PRKACB: variants seen among roughly 807,000 people sequenced by gnomAD.
The protein encoded by PRKACB is cAMP-dependent protein kinase catalytic subunit beta.
A neutral mutation model predicts 51.4 loss-of-function variants in PRKACB; 16 were observed. The observed-to-expected ratio is 0.31, with a 90% confidence interval of 0.21 to 0.47. PRKACB has a LOEUF of 0.47. Ranked by LOEUF, PRKACB falls within the 20% of genes least tolerant of loss-of-function variation. The pLI is 1.00. For synonymous variants in PRKACB, 147 were observed against 154.4 expected, an observed-to-expected ratio of 0.95 and a Z score of 0.35; for missense variants, 309 against 464.5, an observed-to-expected ratio of 0.67 and a Z score of 3.08.
At chr1:84,115,143 A>G (rs999277516) in intron 1 of PRKACB, among the ~76,000 whole-genome samples, 2 of 150,522 alleles carry the variant, frequency 1.3e-5, no homozygotes, top group Admixed American at 6.7e-5. Flanking sequence ...ACTAATTTAC[A>G]TTCTTACAAA....
At chr1:84,137,993 C>T (rs535385811) in intron 1 of PRKACB, among the ~76,000 whole-genome samples, 8 of 152,128 alleles carry the variant, frequency 5.3e-5, no homozygotes, top group East Asian at 1.9e-4. Flanking sequence ...TTAGTATACA[C>T]GTATATTTCC....
intron 1 of PRKACB, among the ~76,000 whole-genome samples, chr1:84,108,276 A>G (rs1041842696): frequency 6.6e-6 from 1 of 151,678 alleles, no homozygotes. Flanking sequence ...TAAATAATGA[A>G]AACACATGGA....
intron 1 of PRKACB, chr1:84,178,968 T>G (rs981182608): frequency 2.4e-6 from 1 of 412,926 alleles, no homozygotes. Flanking sequence ...GGTTTCTTTA[T>G]AGAACAATAT....
At chr1:84,231,614 A>T (rs1037987780) in intron 9 of PRKACB, among the ~76,000 whole-genome samples, 1 of 152,228 alleles carries the variant, frequency 6.6e-6, no homozygotes, top group Non-Finnish European at 1.5e-5. Flanking sequence ...TTATTGGTCT[A>T]TTCAGAGATT....
intron 1 of PRKACB, among the ~76,000 whole-genome samples, chr1:84,104,349 T>C (rs908302012): frequency 3.3e-5 from 5 of 152,170 alleles, no homozygotes; most frequent in African/African-American, 9.7e-5. Context: ...ATTGTTTATA[T>C]ACATATATAT....
intron 1 of PRKACB, among the ~76,000 whole-genome samples, chr1:84,178,272 T>C (rs949716388): frequency 2.6e-5 from 4 of 151,926 alleles, no homozygotes; most frequent in Non-Finnish European, 5.9e-5. Context: ...TTTATTCTTA[T>C]ACCTAAAGAT....
intron 9 of PRKACB, among the ~76,000 whole-genome samples, chr1:84,221,353 G>A (rs1367167121): frequency 2.0e-5 from 3 of 151,078 alleles, no homozygotes; most frequent in Non-Finnish European, 4.4e-5. Flanking sequence ...GGTTAGTCTA[G>A]CTAGCAGTTT....
chr1:84,143,329 A>G (rs576019880), upstream of PRKACB, among the ~76,000 whole-genome samples: 2 of 152,186 alleles, frequency 1.3e-5, no homozygotes, highest in African/African-American at 4.8e-5. Flanking sequence ...GTGCGCGCCT[A>G]TAATCCCAGC....
intron 1 of PRKACB, among the ~76,000 whole-genome samples, chr1:84,128,926 G>A (rs927792080): frequency 4.6e-5 from 7 of 152,154 alleles, no homozygotes; most frequent in African/African-American, 1.7e-4. Flanking sequence ...TCATGTGACT[G>A]AGGAACTAAA....
At position 84,097,807 on chromosome 1, in the gene PRKACB, A is replaced by G. The variant is rs187334342; in HGVS notation, c.46+19436A>G. 2.0e-5 allele frequency among the ~76,000 whole-genome samples: 3 copies of G among 152,120 alleles called. No homozygotes were observed. The East Asian group carries it at 5.8e-4, about 29-fold the overall frequency. ...AAAAGAAAAAACAAAAACAAAAACAAAACGTGCGAATTTGCCCTTTCTCCA... is the reference window on the plus strand; with the variant it reads ...AAAAGAAAAAACAAAAACAAAAACAGAACGTGCGAATTTGCCCTTTCTCCA... On this transcript the variant is annotated intron_variant, in intron 1 of 8. Transcript: ENST00000370688.
At chr1:84,149,116 G>A (rs1654509548) in intron 1 of PRKACB, among the ~76,000 whole-genome samples, 1 of 152,006 alleles carries the variant, frequency 6.6e-6, no homozygotes, top group African/African-American at 2.4e-5. Flanking sequence ...ATTTCCAAAT[G>A]TATATCTTCA....
At chr1:84,113,995 C>G (rs982327988) in intron 1 of PRKACB, among the ~76,000 whole-genome samples, 3 of 152,110 alleles carry the variant, frequency 2.0e-5, no homozygotes, top group Non-Finnish European at 4.4e-5. Context: ...TAAGTTATCT[C>G]AAGAAAACTG....
chr1:84,193,860 A>G (rs899126197), intron 5 of PRKACB, among the ~76,000 whole-genome samples: 2 of 152,178 alleles, frequency 1.3e-5, no homozygotes, highest in African/African-American at 4.8e-5. Flanking sequence ...CTAAAACACA[A>G]GTATGAACTG....
chr1:84,156,542 G>A (rs1490225776), intron 1 of PRKACB, among the ~76,000 whole-genome samples: 1 of 152,108 alleles, frequency 6.6e-6, no homozygotes, highest in Admixed American at 6.5e-5. Flanking sequence ...TTGCCAAGTT[G>A]GATGTGTGAG....
At chr1:84,135,838 GT>G (rs1202040537) in intron 1 of PRKACB, among the ~76,000 whole-genome samples, 1 of 151,756 alleles carries the variant, frequency 6.6e-6, no homozygotes. Flanking sequence ...GTAATAAAAA[GT>G]TCTACCTTAG....
chr1:84,173,057 C>T lies in PRKACB; in HGVS notation c.188-6120C>T, dbSNP rs1225953216. On this transcript the variant is annotated intron_variant, in intron 1 of 9. Transcript: ENST00000370685. ...TATGATGAGGCAAGTGCCCCTTCAG[C>T]AAAGTGAACACAATTATTCTTCAGT... is the stretch of plus-strand genomic sequence containing the variant. 2.0e-5 allele frequency among the ~76,000 whole-genome samples: 3 copies of T among 151,506 alleles called. No homozygotes were observed. In the Admixed American group the frequency reaches 2.0e-4, roughly 10 times the overall value.
In PRKACB at chr1:84,184,087, A is replaced by T. The variant is rs913797614; in HGVS notation, c.429A>T (p.Leu143Phe). The T allele has an allele frequency of 2.5e-6, 4 of 1,605,928 alleles. No individual in the cohort carries two copies. Residue 143 changes from leucine to phenylalanine, a missense_variant, in exon 4 of 10, where the codon TTA (leucine) becomes TTT (phenylalanine). Around this residue, in one of 3 missense-constraint regions of PRKACB, gnomAD observed 153 missense variants for 190.2 expected, o/e 0.80. Coordinates refer to ENST00000370685, the MANE Select transcript of PRKACB (RefSeq NM_182948.4). ...ATACTTTGAATGAGAAAAGAATATTACAGGCAGTGAATTTTCCTTTCCTTG... is the reference window on the plus strand; with the variant it reads ...ATACTTTGAATGAGAAAAGAATATTTCAGGCAGTGAATTTTCCTTTCCTTG... ...IEHTLNEKRILQAVNFPFLVR... is the reference protein window; with the variant it reads ...IEHTLNEKRIFQAVNFPFLVR...
Position 84,184,123 on chromosome 1 carries a change from G to A in PRKACB, c.465G>A (p.Glu155=), listed in dbSNP as rs1292619993. The A allele has an allele frequency of 1.9e-5, 30 of 1,602,596 alleles. No individual in the cohort carries two copies. The highest frequency in any genetic ancestry group is 2.7e-5 in the African/African-American group (2 of 74,398). The change falls in exon 4 of 10, where the codon GAG becomes GAA. Residue 155 remains glutamate (E), a synonymous_variant. Coordinates refer to ENST00000370685, the MANE Select transcript of PRKACB (RefSeq NM_182948.4). ...ATTTTCCTTTCCTTGTTCGACTGGA[G>A]TATGCTTTTAAGGTAAATTTTAGTA... ...AVNFPFLVRL[E]YAFKDNSNLY...
intron 9 of PRKACB, among the ~76,000 whole-genome samples, chr1:84,227,754 G>A (rs1265022020): frequency 6.6e-6 from 1 of 152,110 alleles, no homozygotes; most frequent in East Asian, 1.9e-4. Flanking sequence ...ACAGATGTAA[G>A]GATCCATGGA....
Sources: gnomAD v4.1 joint callset for allele counts (sites outside exome capture counted in the v4.1 genomes callset) on GRCh38, gnomAD v4.1.1 for gene constraint, gnomAD v4.1.1 regional missense constraint, MANE v1.5 for transcripts, NCBI Gene and HGNC (gene_info 2026-07-23, HGNC 2026-07-21) for gene names.